Variants in STAR observed in about 807,000 individuals in gnomAD.
STAR encodes the protein steroidogenic acute regulatory protein.
In STAR, 32 loss-of-function variants were observed where a neutral mutation model predicts 32.3. The ratio of observed to expected loss-of-function variants is 0.99; its 90% confidence interval spans 0.75 to 1.33. The LOEUF (loss-of-function observed/expected upper bound fraction) is 1.33. STAR is among the 40% of genes most tolerant of loss of function. The pLI is 0.00. For synonymous variants in STAR, 134 were observed against 140.5 expected (o/e 0.95, Z 0.33); for missense variants, 375 against 379.0 (o/e 0.99, Z 0.09).
rs11326306 is a variant in STAR, at chr8:38,143,305, A to ATTTTT, written c.*963_*967dup. On this transcript the variant is annotated 3_prime_UTR_variant, in exon 7 of 7. Transcript: ENST00000276449. Reference sequence around the variant, plus strand: ...GTGAAGTTGTAATCTACTAGCATAGATTTTTTTTTTTTTTTTTTTGAGATG... The same window carrying ATTTTT: ...GTGAAGTTGTAATCTACTAGCATAGATTTTTTTTTTTTTTTTTTTTTTTTGAGATG... Among the ~76,000 whole-genome samples the ATTTTT allele has an allele frequency of 2.8e-5, 3 of 107,234 alleles. No homozygotes were observed. The highest frequency in any genetic ancestry group is 2.5e-4 in the East Asian group (1 of 3,974). The allele number at this position is 107,234 out of a possible 152,430, so 70.3% of individuals were successfully genotyped here.
At chr8:38,149,984 G>A (rs1802639452) in intron 1 of STAR, among the ~76,000 whole-genome samples, 1 of 152,142 alleles carries the variant, frequency 6.6e-6, no homozygotes, top group African/African-American at 2.4e-5. Context: ...AGCCAGGCGT[G>A]GTGGCATGCA....
At chr8:38,144,457 CA>C (rs1802527303) in intron 6 of STAR, 71 bp from the exon 7 acceptor site, 1 of 1,545,328 alleles carries the variant, frequency 6.5e-7, no homozygotes, top group Non-Finnish European at 8.7e-7. Context: ...CACCCTATCA[CA>C]AACAGGCTGC....
At chr8:38,148,844 G>A in intron 1 of STAR, 90 bp from the exon 2 acceptor site, 1 of 1,144,562 alleles carries the variant, frequency 8.7e-7, no homozygotes, top group African/African-American at 1.5e-5. Context: ...AAATGAGTAA[G>A]TTGGTTTGGA....
chr8:38,147,961 T>C (rs1802602343), intron 3 of STAR, among the ~76,000 whole-genome samples: 1 of 152,234 alleles, frequency 6.6e-6, no homozygotes, highest in Admixed American at 6.5e-5. Context: ...GCAATCCTAT[T>C]CTGTAACTAA....
chr8:38,145,503 G>A (rs1043076063), intron 5 of STAR, 188 bp from the exon 6 acceptor site: 45 of 743,966 alleles, frequency 6.0e-5, no homozygotes, highest in Non-Finnish European at 8.8e-5. Context: ...CAGAATAAAG[G>A]CTGCTTGTAG....
Position 38,144,254 on chromosome 8 carries a change from G to T in STAR, c.*19C>A, listed in dbSNP as rs777708928. On this transcript the variant is annotated 3_prime_UTR_variant, in exon 7 of 7. Transcript: ENST00000276449. ...TGTACCAGTGCAGCTGGGCACAGTT[G>T]GGAACAGCAGGCTGGTCTTCAACAC... 13 of 1,598,522 alleles carry T rather than the reference G, an allele frequency of 8.1e-6. No homozygotes were observed. The Admixed American group carries it at 1.2e-4, about 15-fold the overall frequency.
chr8:38,150,483 AG>A (rs1288619036), intron 1 of STAR, among the ~76,000 whole-genome samples: 1 of 152,010 alleles, frequency 6.6e-6, no homozygotes, highest in African/African-American at 2.4e-5. Context: ...GAAAGGAAGG[AG>A]GGAAGGAAGA....
chr8:38,148,487 C>G, intron 2 of STAR, 154 bp downstream of exon 2: 1 of 1,368,562 alleles, frequency 7.3e-7, no homozygotes, highest in Admixed American at 1.9e-5. Flanking sequence ...CCCCAGGTGA[C>G]CAGAGAGGGA....
At chr8:38,147,720 G>A (rs1802597737) in intron 3 of STAR, among the ~76,000 whole-genome samples, 1 of 152,254 alleles carries the variant, frequency 6.6e-6, no homozygotes, top group African/African-American at 2.4e-5. Flanking sequence ...CCTGGTTACT[G>A]TCCCCTGTGA....
At chr8:38,145,424 T>C in intron 5 of STAR, 109 bp from the exon 6 acceptor site, 1 of 1,479,422 alleles carries the variant, frequency 6.8e-7, no homozygotes, top group Non-Finnish European at 9.3e-7. Flanking sequence ...TTGTCTTTTC[T>C]GAGTCTCATC....
At chr8:38,147,076 C>T (rs917087344) in intron 3 of STAR, among the ~76,000 whole-genome samples, 8 of 152,026 alleles carry the variant, frequency 5.3e-5, no homozygotes, top group Admixed American at 1.3e-4. Flanking sequence ...CAGCCTCAAC[C>T]TCCTAGGCTC....
chr8:38,145,491 A>T (rs915962142), intron 5 of STAR, 176 bp from the exon 6 acceptor site: 1 of 837,000 alleles, frequency 1.2e-6, no homozygotes, highest in African/African-American at 1.7e-5. Flanking sequence ...TTACCAGCTC[A>T]TCAGAATAAA....
rs567194770 is a variant in STAR at position 38,144,431 on chromosome 8, C to T, written c.745-45G>A. The T allele has an allele frequency of 2.6e-6, 4 of 1,553,004 alleles. No homozygotes were observed. In the South Asian group the frequency reaches 4.8e-5, roughly 18 times the overall value. ...AATTTGGCCATCTTGTGGGTTTTGG[C>T]CCACTCTTGACACTGCACCCTATCA... On this transcript the variant is annotated intron_variant, in intron 6 of 6. Coordinates refer to ENST00000276449, the MANE Select transcript of STAR (RefSeq NM_000349.3).
chr8:38,144,523 C>T, intron 6 of STAR, 137 bp from the exon 7 acceptor site: 1 of 1,510,510 alleles, frequency 6.6e-7, no homozygotes, highest in Middle Eastern at 2.1e-4. Context: ...GTTGCCCAGT[C>T]AAGGGCGGGA....
chr8:38,147,881 G>A (rs1482043312), intron 3 of STAR, among the ~76,000 whole-genome samples: 50 of 152,192 alleles, frequency 3.3e-4, no homozygotes, highest in Admixed American at 3.3e-3. Context: ...GCATCGTTGG[G>A]ATATCTGACC....
intron 2 of STAR, 89 bp downstream of exon 2, chr8:38,148,552 A>C (rs2130617199): frequency 1.4e-6 from 2 of 1,395,130 alleles, no homozygotes; most frequent in East Asian, 4.6e-5. Flanking sequence ...AAGGAATGGC[A>C]GGAGGGGAGC....
rs1386247574 is a variant in STAR at position 38,148,730 on chromosome 8, G to A, written c.89C>T (p.Ala30Val). Residue 30 changes from alanine (A) to valine (V), a missense_variant, in exon 2 of 7, where the codon GCC becomes GTC. By Grantham distance (64) the Ala-to-Val change is moderately conservative. Transcript: ENST00000276449. ...CCTCCGGTTCAGCTCCTGGCTGATG[G>A]CCATCACAGCCTGTTGCCTCAGCCC... ...MKGLRQQAVM[A>V]ISQELNRRAL... The A allele has an allele frequency of 6.2e-7, 1 of 1,613,762 alleles. No homozygotes were observed. The highest frequency in any genetic ancestry group is 8.5e-7 in the Non-Finnish European group (1 of 1,180,016).
chr8:38,146,447 C>G lies in STAR; in HGVS notation c.307G>C (p.Asp103His). ...TTACTCATCACTTTGTCCCCATTGT[C>G]CTGTCAGAGAAAGGAGCCCCCAGAA... ...QEGWKKESQQ[D>H]NGDKVMSKVV... Residue 103 changes from aspartate (D) to histidine (H), a missense_variant and splice_region_variant, in exon 4 of 7, where the codon GAC becomes CAC. By Grantham distance (81) the Asp-to-His change is moderately conservative. Transcript: ENST00000276449. 1 of 1,613,834 alleles carries G rather than the reference C, an allele frequency of 6.2e-7. No homozygotes were observed. The highest frequency in any genetic ancestry group is 8.5e-7 in the Non-Finnish European group (1 of 1,180,024).
chr8:38,148,159 G>C, intron 3 of STAR, 41 bp downstream of exon 3: 1 of 1,613,044 alleles, frequency 6.2e-7, no homozygotes, highest in Middle Eastern at 1.7e-4. Flanking sequence ...GAGGATGGCA[G>C]TGGAGCATGG....
Sources: gnomAD v4.1 joint callset for allele counts (sites outside exome capture counted in the v4.1 genomes callset) on GRCh38, gnomAD v4.1.1 for gene constraint, MANE v1.5 for transcripts, NCBI Gene and HGNC (gene_info 2026-07-23, HGNC 2026-07-21) for gene names.